Variants in NRG3 observed in about 807,000 individuals in gnomAD.
NRG3 encodes neuregulin 3.
A neutral mutation model predicts 66.9 loss-of-function variants in NRG3; 31 were observed. That is an observed-to-expected ratio of 0.46 (90% confidence interval 0.35 to 0.63). The LOEUF is 0.63. NRG3 is among the 20% of genes least tolerant of loss of function. The pLI is 0.00. For missense variants in NRG3, 910 were observed against 878.9 expected, an observed-to-expected ratio of 1.04 and a Z score of -0.45; for synonymous variants, 393 against 359.4, an observed-to-expected ratio of 1.09 and a Z score of -1.06.
chr10:82,587,985 T>C (rs2046772244), intron 2 of NRG3, among the ~76,000 whole-genome samples: 1 of 152,230 alleles, frequency 6.6e-6, no homozygotes, highest in Non-Finnish European at 1.5e-5. Context: ...TACATGTGTT[T>C]ATATACATTT....
chr10:82,803,332 A>G lies in NRG3; in HGVS notation c.1028-62079A>G, dbSNP rs777286485. Among the ~76,000 whole-genome samples, 3 of 152,216 alleles carry G rather than the reference A, an allele frequency of 2.0e-5. 1 individual carries two copies. The highest frequency in any genetic ancestry group is 4.4e-5 in the Non-Finnish European group (3 of 68,040). The stretch of plus-strand genomic sequence containing the variant: ...GTCAATATTCTTTTAAATTGCCTGT[A>G]AATGTTTCTGCGCTTATTTGTGTGG... On this transcript the variant is annotated intron_variant, in intron 3 of 8. Coordinates refer to ENST00000372141, the MANE Select transcript of NRG3 (RefSeq NM_001010848.4).
chr10:82,666,338 T>A lies in NRG3; in HGVS notation c.954-72239T>A, dbSNP rs543211490. On this transcript the variant is annotated intron_variant, in intron 2 of 8. Coordinates refer to ENST00000372141, the MANE Select transcript of NRG3 (RefSeq NM_001010848.4). ...GAGAGATATAGATGTTCATAACTCC[T>A]TCCCTTGACTGTCTTAATGGAAAAT... 8.5e-5 allele frequency among the ~76,000 whole-genome samples: 13 copies of A among 152,328 alleles called. No individual in the cohort carries two copies. In the East Asian group the frequency reaches 2.5e-3, roughly 29 times the overall value.
intron 1 of NRG3, among the ~76,000 whole-genome samples, chr10:81,940,498 A>T (rs775580454): frequency 2.0e-5 from 3 of 152,116 alleles, no homozygotes; most frequent in African/African-American, 2.4e-5. Flanking sequence ...AGTGTATGCC[A>T]CTATGCTCAG....
chr10:81,961,005 G>A (rs1850304710), intron 1 of NRG3, among the ~76,000 whole-genome samples: 1 of 152,012 alleles, frequency 6.6e-6, no homozygotes, highest in South Asian at 2.1e-4. Flanking sequence ...GTGCTAAAGG[G>A]GATGTGGGGA....
chr10:81,973,478 C>T (rs1281533779), intron 1 of NRG3, among the ~76,000 whole-genome samples: 3 of 152,116 alleles, frequency 2.0e-5, no homozygotes, highest in Admixed American at 2.0e-4. Flanking sequence ...TTCGAGGAGT[C>T]GCCACAGTGT....
intron 1 of NRG3, among the ~76,000 whole-genome samples, chr10:82,349,857 C>T (rs12257998): frequency 0.12 from 17,775 of 152,180 alleles, 1,841 homozygotes; most frequent in African/African-American, 0.26. Flanking sequence ...CTTTCTTTGA[C>T]TCAGAAACGG....
intron 2 of NRG3, among the ~76,000 whole-genome samples, chr10:82,710,375 C>T (rs950905021): frequency 6.6e-6 from 1 of 152,048 alleles, no homozygotes; most frequent in African/African-American, 2.4e-5. Context: ...CCTCTCAGGT[C>T]GGGAGTTCGA....
Position 82,646,561 on chromosome 10 carries a change from G to A in NRG3, c.954-92016G>A, listed in dbSNP as rs377031970. Reference sequence around the variant, plus strand: ...TCCCATTACAGTAAATTACGATGTCGAAGACAAACAAAGCTAGATGTTGGT... The same window carrying A: ...TCCCATTACAGTAAATTACGATGTCAAAGACAAACAAAGCTAGATGTTGGT... On this transcript the variant is annotated intron_variant, in intron 2 of 8. Coordinates refer to ENST00000372141, the MANE Select transcript of NRG3 (RefSeq NM_001010848.4). Among the ~76,000 whole-genome samples the A allele has an allele frequency of 1.6e-4, 25 of 152,226 alleles. No individual in the cohort carries two copies. In the East Asian group the frequency reaches 2.5e-3, roughly 15 times the overall value.
intron 2 of NRG3, among the ~76,000 whole-genome samples, chr10:82,364,943 G>A (rs12252162): frequency 0.12 from 18,624 of 152,184 alleles, 2,047 homozygotes; most frequent in African/African-American, 0.28. Context: ...CCATTGGGAA[G>A]GGCAAAGGGA....
intron 2 of NRG3, among the ~76,000 whole-genome samples, chr10:82,490,967 C>T (rs1373252504): frequency 6.6e-6 from 1 of 151,902 alleles, no homozygotes; most frequent in Admixed American, 6.6e-5. Context: ...AAAATGTGTC[C>T]CGTTATGTCA....
intron 2 of NRG3, among the ~76,000 whole-genome samples, chr10:82,525,906 T>C (rs182316432): frequency 6.6e-6 from 1 of 151,998 alleles, no homozygotes; most frequent in East Asian, 1.9e-4. Context: ...AAATCAAGAA[T>C]ACAATAACTG....
chr10:82,240,078 C>T (rs1179000410), intron 1 of NRG3, among the ~76,000 whole-genome samples: 1 of 151,856 alleles, frequency 6.6e-6, no homozygotes, highest in Non-Finnish European at 1.5e-5. Context: ...TGTAAAGGCA[C>T]ATTTCCTTTT....
At chr10:82,030,074 C>T (rs10884060) in intron 1 of NRG3, among the ~76,000 whole-genome samples, 31,246 of 151,934 alleles carry the variant, frequency 0.21, 3,485 homozygotes, top group African/African-American at 0.25. Flanking sequence ...ATTAATTGCT[C>T]GCTCTTGGCA....
intron 1 of NRG3, among the ~76,000 whole-genome samples, chr10:82,314,962 A>T (rs547704950): frequency 6.6e-6 from 1 of 152,296 alleles, no homozygotes; most frequent in South Asian, 2.1e-4. Context: ...TTTTTACACT[A>T]TAAACTGATA....
At chr10:82,251,741 C>T (rs2077499582) in intron 1 of NRG3, among the ~76,000 whole-genome samples, 2 of 152,132 alleles carry the variant, frequency 1.3e-5, no homozygotes, top group Non-Finnish European at 2.9e-5. Context: ...TTAAAAAGCA[C>T]CATGTGGTCA....
chr10:82,290,629 C>T (rs2079671447), intron 1 of NRG3, among the ~76,000 whole-genome samples: 1 of 132,854 alleles, frequency 7.5e-6, no homozygotes, highest in Non-Finnish European at 1.5e-5. Flanking sequence ...TGCTCAATGA[C>T]TTCAAATGAT....
intron 1 of NRG3, among the ~76,000 whole-genome samples, chr10:82,037,657 A>T (rs2132964962): frequency 6.6e-6 from 1 of 152,242 alleles, no homozygotes; most frequent in East Asian, 1.9e-4. Flanking sequence ...AGAAGACATC[A>T]CGATGAGGCC....
At chr10:82,738,311 G>T (rs1209731344) in intron 2 of NRG3, among the ~76,000 whole-genome samples, 3 of 152,164 alleles carry the variant, frequency 2.0e-5, no homozygotes, top group African/African-American at 7.2e-5. Context: ...TTGCTGTGAG[G>T]TATCTTAAAA....
chr10:82,353,516 C>A (rs150664111), intron 1 of NRG3, among the ~76,000 whole-genome samples: 18 of 152,048 alleles, frequency 1.2e-4, no homozygotes, highest in Non-Finnish European at 5.9e-5. Context: ...ATGTATGCTA[C>A]GTGATGTGGA....
Sources: gnomAD v4.1 joint callset for allele counts (sites outside exome capture counted in the v4.1 genomes callset) on GRCh38, gnomAD v4.1.1 for gene constraint, MANE v1.5 for transcripts, NCBI Gene and HGNC (gene_info 2026-07-23, HGNC 2026-07-21) for gene names.